ATG10: variants seen among roughly 807,000 people sequenced by gnomAD.
ATG10 encodes the protein autophagy related 10.
A neutral mutation model predicts 32.1 loss-of-function variants in ATG10; 30 were observed. The ratio of observed to expected loss-of-function variants is 0.94; its 90% CI spans 0.70 to 1.27. The LOEUF is 1.27. Among genes scored for constraint, ATG10 ranks in the 50% most tolerant of loss-of-function variants. ATG10 has a pLI of 0.00. For synonymous variants in ATG10, 87 were observed against 91.5 expected (o/e 0.95, Z 0.28); for missense variants, 233 against 262.3 (o/e 0.89, Z 0.77).
At chr5:81,995,126 ATG>A (rs148857001) in intron 2 of ATG10, among the ~76,000 whole-genome samples, 27 of 149,532 alleles carry the variant, frequency 1.8e-4, no homozygotes, top group South Asian at 2.1e-4. Flanking sequence ...ATGTGTGTGT[ATG>A]TGTGTGTGTG....
intron 2 of ATG10, among the ~76,000 whole-genome samples, chr5:82,052,678 C>T (rs777809978): frequency 3.3e-5 from 5 of 152,034 alleles, no homozygotes; most frequent in Admixed American, 6.6e-5. Context: ...GGTATCTTTC[C>T]GGATATATTC....
chr5:82,206,085 G>A (rs527553248), intron 5 of ATG10, among the ~76,000 whole-genome samples: 1 of 152,152 alleles, frequency 6.6e-6, no homozygotes, highest in Non-Finnish European at 1.5e-5. Context: ...TTTAAAGTGG[G>A]GAGTGATTCT....
intron 5 of ATG10, among the ~76,000 whole-genome samples, chr5:82,225,708 A>G (rs888223179): frequency 1.3e-5 from 2 of 152,152 alleles, no homozygotes; most frequent in African/African-American, 4.8e-5. Context: ...AATGGCAGGT[A>G]CATTAAGGAG....
At chr5:82,161,782 A>G (rs913719747) in intron 3 of ATG10, among the ~76,000 whole-genome samples, 1 of 151,662 alleles carries the variant, frequency 6.6e-6, no homozygotes, top group Non-Finnish European at 1.5e-5. Context: ...AACTATTGAA[A>G]TCATCTAGGA....
intron 2 of ATG10, among the ~76,000 whole-genome samples, chr5:82,030,285 T>C (rs1762709849): frequency 6.6e-6 from 1 of 152,112 alleles, no homozygotes; most frequent in African/African-American, 2.4e-5. Flanking sequence ...TAGCTGTGCT[T>C]AAGAATATGG....
At chr5:82,219,259 AAGT>A (rs1294770156) in intron 5 of ATG10, among the ~76,000 whole-genome samples, 1 of 152,186 alleles carries the variant, frequency 6.6e-6, no homozygotes, top group Non-Finnish European at 1.5e-5. Context: ...ATTTTAGAAC[AAGT>A]AGTATTTTAA....
At chr5:81,993,407 T>TCTTTTCTTTTCTTTC (rs1761559066) in intron 2 of ATG10, among the ~76,000 whole-genome samples, 1 of 133,854 alleles carries the variant, frequency 7.5e-6, no homozygotes, top group Non-Finnish European at 1.5e-5. Context: ...TCTTTTCTTT[T>TCTTTTCTTTTCTTTC]CTTTTCTTTT....
intron 2 of ATG10, among the ~76,000 whole-genome samples, chr5:82,037,782 AC>A (rs947478481): frequency 6.6e-6 from 1 of 152,052 alleles, no homozygotes; most frequent in African/African-American, 2.4e-5. Flanking sequence ...AATTATATGG[AC>A]TTTTTCTTTT....
intron 5 of ATG10, among the ~76,000 whole-genome samples, chr5:82,214,337 A>C (rs1313985828): frequency 6.6e-6 from 1 of 152,192 alleles, no homozygotes; most frequent in African/African-American, 2.4e-5. Context: ...TCATAGGTGA[A>C]ACTACAACCA....
At position 82,089,152 on chromosome 5, in the gene ATG10, GAC is replaced by G. The variant is rs551962834; in HGVS notation, c.216+30556_216+30557del. ...AGATCACCTTAGGTCGGGAGTTCGA[GAC>G]ACACATGGAGAAACCCCGTCTCTAC... On this transcript the variant is annotated intron_variant, in intron 3 of 7. Transcript: ENST00000282185. Among the ~76,000 whole-genome samples the G allele has an allele frequency of 1.4e-3, 215 of 152,188 alleles. 2 individuals are homozygous for G. Among genetic ancestry groups the G allele is most frequent in the African/African-American group, 4.9e-3 (203 of 41,528 alleles).
chr5:82,153,575 A>G (rs1009835249), intron 3 of ATG10, among the ~76,000 whole-genome samples: 2 of 152,184 alleles, frequency 1.3e-5, no homozygotes. Flanking sequence ...TGTTGTGATC[A>G]TTGAACTAAA....
At chr5:82,151,847 T>TC (rs2149881316) in intron 3 of ATG10, among the ~76,000 whole-genome samples, 2 of 114,666 alleles carry the variant, frequency 1.7e-5, no homozygotes, top group South Asian at 6.0e-4. Context: ...GAATAAAACC[T>TC]CTTACAGCTA....
intron 3 of ATG10, among the ~76,000 whole-genome samples, chr5:82,143,744 A>G (rs1160228623): frequency 1.3e-5 from 2 of 152,238 alleles, no homozygotes; most frequent in African/African-American, 2.4e-5. Context: ...CTGCCAACAC[A>G]GGATTGGTTC....
At chr5:82,205,376 ATTTAC>A (rs1233426014) in intron 5 of ATG10, among the ~76,000 whole-genome samples, 21 of 152,198 alleles carry the variant, frequency 1.4e-4, no homozygotes, top group Middle Eastern at 6.8e-3. Flanking sequence ...TTTCATTGTA[ATTTAC>A]TTGTTTGTTT....
chr5:82,172,402 G>GA lies in ATG10; in HGVS notation c.356-6079dup, dbSNP rs995113706. Among the ~76,000 whole-genome samples, 7 of 150,786 alleles carry GA rather than the reference G, an allele frequency of 4.6e-5. No individual in the cohort carries two copies. In the East Asian group the frequency reaches 9.7e-4, roughly 21 times the overall value. On this transcript the variant is annotated intron_variant, in intron 4 of 7. Transcript: ENST00000282185. ...TGCCATTTCTTTTCTTTCATCATCT[G>GA]AAAAAAAAATTGAGTTAGCAATAAT... is the stretch of plus-strand genomic sequence containing the variant.
intron 2 of ATG10, among the ~76,000 whole-genome samples, chr5:82,020,821 A>G (rs1463294543): frequency 2.0e-5 from 3 of 152,232 alleles, no homozygotes; most frequent in Non-Finnish European, 4.4e-5. Flanking sequence ...GCAATACCAA[A>G]GGACATGGAT....
intron 3 of ATG10, among the ~76,000 whole-genome samples, chr5:82,118,384 G>GTATATATATATATATA (rs1347264600): frequency 1.1e-4 from 2 of 18,778 alleles, no homozygotes; most frequent in African/African-American, 5.4e-4. Context: ...TATAATATAT[G>GTATATATATATATATA]TACATATATA....
intron 5 of ATG10, among the ~76,000 whole-genome samples, chr5:82,236,518 T>G (rs1456019988): frequency 2.0e-5 from 3 of 152,126 alleles, no homozygotes; most frequent in African/African-American, 7.2e-5. Context: ...CCTTTGTAGA[T>G]TTATGCAGGT....
At chr5:82,052,371 C>T (rs1489658748) in intron 2 of ATG10, among the ~76,000 whole-genome samples, 1 of 152,106 alleles carries the variant, frequency 6.6e-6, no homozygotes, top group Non-Finnish European at 1.5e-5. Flanking sequence ...TCAGGAAATC[C>T]TTAGATCTCC....
Sources: allele counts gnomAD v4.1 joint callset (sites outside exome capture counted in the v4.1 genomes callset), GRCh38; gene constraint gnomAD v4.1.1; transcripts MANE v1.5; gene names NCBI Gene and HGNC (gene_info 2026-07-23, HGNC 2026-07-21).